The following PRKD3 variants were observed in gnomAD, a reference collection of about 807,000 sequenced individuals.
The protein encoded by PRKD3 is protein kinase D3, also known as serine/threonine-protein kinase D3.
A neutral mutation model predicts 99.2 loss-of-function variants in PRKD3; 47 were observed. The observed-to-expected ratio is 0.47, with a 90% CI of 0.38 to 0.60. The LOEUF (loss-of-function observed/expected upper bound fraction) is 0.60. Ranked by LOEUF, PRKD3 falls within the 20% of genes least tolerant of loss-of-function variation. The probability of loss-of-function intolerance (pLI) is 0.00; values close to 1 mark genes in which losing one functional copy is unlikely to be tolerated. For missense variants in PRKD3, 1,019 were observed against 1,088.4 expected, an observed-to-expected ratio of 0.94 and a Z score of 0.90; for synonymous variants, 392 against 355.4, an observed-to-expected ratio of 1.10 and a Z score of -1.16.
intron 4 of PRKD3, 43 bp from the exon 5 acceptor site, chr2:37,289,556 A>G: frequency 6.8e-7 from 1 of 1,478,660 alleles, no homozygotes; most frequent in Non-Finnish European, 9.2e-7. Flanking sequence ...TTAAAAAAAA[A>G]TTTACTATTT....
intron 2 of PRKD3, among the ~76,000 whole-genome samples, chr2:37,300,428 TTAGA>T (rs1314345583): frequency 1.3e-5 from 2 of 152,114 alleles, no homozygotes; most frequent in African/African-American, 4.8e-5. Context: ...AAAACTACAG[TTAGA>T]TAGAAAAAAT....
chr2:37,316,521 A>C lies in PRKD3; in HGVS notation c.4T>G (p.Ser2Ala). 1.9e-6 allele frequency: 3 copies of C among 1,610,920 alleles called. No homozygotes were observed. The highest frequency in any genetic ancestry group is 2.5e-6 in the Non-Finnish European group (3 of 1,178,490). ...GCTGATGGAGGGGAATTATTTGCAGACATCTGCCTTTCTTTAATCTTTTAA... is the reference window on the plus strand; with the variant it reads ...GCTGATGGAGGGGAATTATTTGCAGCCATCTGCCTTTCTTTAATCTTTTAA... M[S>A]ANNSPPSAQK... Residue 2 changes from serine to alanine, a missense_variant, in exon 2 of 19, where the codon TCT becomes GCT. Around this residue, in one of 3 missense-constraint regions of PRKD3, gnomAD observed 710 missense variants for 692.7 expected, o/e 1.02. Coordinates refer to ENST00000234179, the MANE Select transcript of PRKD3 (RefSeq NM_005813.6).
intron 16 of PRKD3, among the ~76,000 whole-genome samples, chr2:37,257,362 A>G (rs1668034676): frequency 6.6e-6 from 1 of 152,144 alleles, no homozygotes; most frequent in Non-Finnish European, 1.5e-5. Flanking sequence ...TGTTTGCTGA[A>G]GGAAAAATAA....
At chr2:37,312,948 T>C (rs1671501197) in intron 2 of PRKD3, among the ~76,000 whole-genome samples, 1 of 152,052 alleles carries the variant, frequency 6.6e-6, no homozygotes, top group Non-Finnish European at 1.5e-5. Context: ...ATAACTACTA[T>C]GAATAACAAT....
At chr2:37,297,127 G>A (rs1009458133) in intron 2 of PRKD3, among the ~76,000 whole-genome samples, 1 of 151,924 alleles carries the variant, frequency 6.6e-6, no homozygotes, top group Admixed American at 6.6e-5. Context: ...CAGAAAATAG[G>A]TTTTCACGCA....
At chr2:37,296,794 G>A (rs900658312) in intron 2 of PRKD3, among the ~76,000 whole-genome samples, 3 of 151,424 alleles carry the variant, frequency 2.0e-5, no homozygotes, top group Admixed American at 2.0e-4. Context: ...CAGCTACTCC[G>A]GAGACTGAGG....
At chr2:37,315,841 C>T (rs1334960710) in intron 2 of PRKD3, among the ~76,000 whole-genome samples, 1 of 152,260 alleles carries the variant, frequency 6.6e-6, no homozygotes, top group East Asian at 1.9e-4. Flanking sequence ...TCTCCTGTCT[C>T]AGCCTCATGA....
rs369937198 is a variant in PRKD3, at chr2:37,274,694, T to C, written c.1378A>G (p.Ile460Val). 6.2e-7 allele frequency: 1 copy of C among 1,611,312 alleles called. No homozygotes were observed. Among genetic ancestry groups the C allele is most frequent in the Non-Finnish European group, 8.5e-7 (1 of 1,177,998 alleles). ...ATGCGGAGAATTTCTGAAAGTGGAA[T>C]TTCCTGAAGTAAAAAATTAAGCATT... ...NESGSKYYKE[I>V]PLSEILRISS... The change falls in exon 11 of 19, where the codon ATT becomes GTT. Residue 460 changes from isoleucine to valine, a missense_variant. Ile to Val is a conservative substitution (Grantham distance 29). Transcript: ENST00000234179.
At chr2:37,283,976 G>A (rs370812410) in intron 6 of PRKD3, among the ~76,000 whole-genome samples, 6 of 151,508 alleles carry the variant, frequency 4.0e-5, no homozygotes, top group East Asian at 1.9e-4. Context: ...ATGGCAGGCA[G>A]GCAGTTTTAG....
At chr2:37,261,193 A>G (rs1001012499) in intron 14 of PRKD3, among the ~76,000 whole-genome samples, 1 of 152,224 alleles carries the variant, frequency 6.6e-6, no homozygotes, top group East Asian at 1.9e-4. Flanking sequence ...ATTCCTTATT[A>G]ATAAAGATAC....
intron 2 of PRKD3, among the ~76,000 whole-genome samples, chr2:37,301,511 G>A (rs2124870328): frequency 6.6e-6 from 1 of 151,516 alleles, no homozygotes; most frequent in South Asian, 2.1e-4. Context: ...ACTGCTCACT[G>A]CAACCTCAAA....
At chr2:37,300,463 A>T (rs981215476) in intron 2 of PRKD3, among the ~76,000 whole-genome samples, 1 of 152,228 alleles carries the variant, frequency 6.6e-6, no homozygotes, top group Non-Finnish European at 1.5e-5. Context: ...GTTTGGTAGC[A>T]TGATAGGTAG....
chr2:37,253,807 A>G (rs1667712566), intron 18 of PRKD3, among the ~76,000 whole-genome samples: 2 of 152,204 alleles, frequency 1.3e-5, no homozygotes, highest in South Asian at 4.1e-4. Flanking sequence ...CTTACTCTGA[A>G]GTTTGGAGGG....
chr2:37,293,060 T>A, intron 3 of PRKD3, 73 bp downstream of exon 3: 7 of 1,349,246 alleles, frequency 5.2e-6, no homozygotes, highest in Non-Finnish European at 7.1e-6. Context: ...TATAATCGAA[T>A]TGCAGCATTT....
intron 17 of PRKD3, 143 bp downstream of exon 17, chr2:37,256,518 TA>T (rs377723318): frequency 9.0e-7 from 1 of 1,111,306 alleles, no homozygotes; most frequent in Non-Finnish European, 1.2e-6. Flanking sequence ...AAAAAACTGG[TA>T]ACTAGTTGAA....
chr2:37,280,052 C>G (rs1669777691), intron 7 of PRKD3, 123 bp from the exon 8 acceptor site: 1 of 591,684 alleles, frequency 1.7e-6, no homozygotes, highest in African/African-American at 2.0e-5. Context: ...TAAAGTATTT[C>G]TCTTTTTTTT....
At chr2:37,315,149 C>A (rs1671603911) in intron 2 of PRKD3, among the ~76,000 whole-genome samples, 1 of 152,136 alleles carries the variant, frequency 6.6e-6, no homozygotes. Flanking sequence ...TGAAACAAAT[C>A]TGAAACATGC....
At chr2:37,282,778 C>A (rs1451618308) in intron 6 of PRKD3, among the ~76,000 whole-genome samples, 159 bp from the exon 7 acceptor site, 1 of 151,982 alleles carries the variant, frequency 6.6e-6, no homozygotes, top group African/African-American at 2.4e-5. Context: ...CTCTGCACCC[C>A]CCCATCATTT....
chr2:37,280,977 T>C (rs1669833205), intron 7 of PRKD3, among the ~76,000 whole-genome samples: 1 of 152,022 alleles, frequency 6.6e-6, no homozygotes, highest in Admixed American at 6.6e-5. Context: ...AAACAATATA[T>C]AAAAATGGCG....
Sources: allele counts gnomAD v4.1 joint callset (sites outside exome capture counted in the v4.1 genomes callset), GRCh38; gene constraint gnomAD v4.1.1; regional missense constraint gnomAD v4.1.1; transcripts MANE v1.5; gene names NCBI Gene and HGNC (gene_info 2026-07-23, HGNC 2026-07-21).